DCDC1: variants seen among roughly 807,000 people sequenced by gnomAD.
DCDC1 encodes doublecortin domain-containing protein 1.
Under a neutral mutation model 178.3 loss-of-function variants are expected in DCDC1, and 200 were observed. That is an observed-to-expected ratio of 1.12 (90% CI 1.00 to 1.26). The LOEUF (loss-of-function observed/expected upper bound fraction) is 1.26. Ranked by LOEUF, DCDC1 falls within the 50% of genes most tolerant of loss-of-function variation. The probability of loss-of-function intolerance (pLI) is 0.00; values close to 1 mark genes in which losing one functional copy is unlikely to be tolerated. For missense variants in DCDC1, 1,983 were observed against 1,749.2 expected, an observed-to-expected ratio of 1.13 and a Z score of -2.38; for synonymous variants, 690 against 604.8, an observed-to-expected ratio of 1.14 and a Z score of -2.07.
chr11:31,364,190 C>T (rs1951843078), intron 1 of DCDC1, among the ~76,000 whole-genome samples: 1 of 152,138 alleles, frequency 6.6e-6, no homozygotes, highest in African/African-American at 2.4e-5. Flanking sequence ...TATTAAGGCA[C>T]TAATAATATT....
Position 30,898,803 on chromosome 11 carries a change from T to C in DCDC1, c.4765+738A>G, listed in dbSNP as rs192962316. On this transcript the variant is annotated intron_variant, in intron 34 of 38. Coordinates refer to ENST00000684477, the MANE Select transcript of DCDC1 (RefSeq NM_001387274.1). ...CTGCTATTTATTGAAGCAAGATTCA[T>C]ATGCTTTTAACACAAGACAGCATCA... 7.2e-5 allele frequency among the ~76,000 whole-genome samples: 11 copies of C among 152,318 alleles called. No individual in the cohort carries two copies. The East Asian group carries it at 2.1e-3, about 29-fold the overall frequency.
chr11:30,908,318 G>T (rs926626164), intron 29 of DCDC1, among the ~76,000 whole-genome samples: 6 of 152,088 alleles, frequency 3.9e-5, no homozygotes, highest in African/African-American at 1.4e-4. Context: ...ATGCCACAAA[G>T]AAGAAAGTAA....
chr11:30,959,299 G>T (rs1262555033), intron 20 of DCDC1, among the ~76,000 whole-genome samples: 1 of 152,100 alleles, frequency 6.6e-6, no homozygotes, highest in African/African-American at 2.4e-5. Context: ...ATTGTTAGAG[G>T]TGCAAGTGGA....
At chr11:31,065,278 T>C (rs1956183234) in intron 18 of DCDC1, 125 bp from the exon 19 acceptor site, 2 of 476,974 alleles carry the variant, frequency 4.2e-6, no homozygotes, top group Non-Finnish European at 7.4e-6. Context: ...ATAAACTTTG[T>C]ACTTTATTAT....
intron 20 of DCDC1, among the ~76,000 whole-genome samples, chr11:31,030,801 T>C (rs1953573355): frequency 2.0e-5 from 3 of 152,110 alleles, no homozygotes; most frequent in Middle Eastern, 6.8e-3. Flanking sequence ...ATTTGAGGAC[T>C]AACTTATTAC....
chr11:31,358,208 C>A (rs1413049214), intron 1 of DCDC1, among the ~76,000 whole-genome samples: 6 of 151,914 alleles, frequency 3.9e-5, no homozygotes, highest in Admixed American at 2.0e-4. Context: ...CTACAGTAAC[C>A]AAAACAGCAT....
chr11:31,008,969 A>G (rs1952010350), intron 20 of DCDC1, among the ~76,000 whole-genome samples: 2 of 152,342 alleles, frequency 1.3e-5, no homozygotes, highest in South Asian at 4.1e-4. Context: ...AGCACAGGCA[A>G]TGAAAAAGCA....
At chr11:31,198,846 T>A (rs1433783090) in intron 9 of DCDC1, among the ~76,000 whole-genome samples, 1 of 152,034 alleles carries the variant, frequency 6.6e-6, no homozygotes, top group African/African-American at 2.4e-5. Context: ...AACTTACAGT[T>A]CATGATTCTT....
At chr11:31,021,821 T>C (rs1952898777) in intron 20 of DCDC1, among the ~76,000 whole-genome samples, 1 of 152,194 alleles carries the variant, frequency 6.6e-6, no homozygotes, top group Admixed American at 6.5e-5. Context: ...GGGAGCCAAA[T>C]GGCTCCCTGT....
At chr11:31,156,367 C>T (rs904031088) in intron 9 of DCDC1, among the ~76,000 whole-genome samples, 8 of 152,048 alleles carry the variant, frequency 5.3e-5, no homozygotes, top group Admixed American at 2.0e-4. Flanking sequence ...TCAAAACACG[C>T]GGCCAGTCAG....
intron 1 of DCDC1, among the ~76,000 whole-genome samples, chr11:31,356,701 A>C (rs1447307034): frequency 6.6e-6 from 1 of 151,040 alleles, no homozygotes; most frequent in East Asian, 1.9e-4. Context: ...AAGACTAATA[A>C]AGAAAAAAAG....
At chr11:31,308,927 C>T (rs1948612216) in intron 3 of DCDC1, among the ~76,000 whole-genome samples, 1 of 151,516 alleles carries the variant, frequency 6.6e-6, no homozygotes, top group Non-Finnish European at 1.5e-5. Flanking sequence ...ATATAACCCC[C>T]CCAAACACAC....
intron 8 of DCDC1, among the ~76,000 whole-genome samples, chr11:31,255,215 A>G (rs1000517267): frequency 9.2e-5 from 14 of 152,180 alleles, no homozygotes; most frequent in African/African-American, 3.4e-4. Flanking sequence ...AACATTCATG[A>G]ACATTTGGCT....
At chr11:31,329,690 C>T (rs1198264771) in intron 2 of DCDC1, among the ~76,000 whole-genome samples, 1 of 152,098 alleles carries the variant, frequency 6.6e-6, no homozygotes, top group African/African-American at 2.4e-5. Flanking sequence ...CAGAATGATG[C>T]TTTCCAGCTT....
At chr11:31,247,834 G>GT (rs1943683962) in intron 8 of DCDC1, among the ~76,000 whole-genome samples, 1 of 151,930 alleles carries the variant, frequency 6.6e-6, no homozygotes, top group African/African-American at 2.4e-5. Flanking sequence ...AAATAATAGT[G>GT]TGTGTGTGTC....
intron 36 of DCDC1, among the ~76,000 whole-genome samples, chr11:30,887,405 T>C (rs183024222): frequency 2.8e-4 from 42 of 152,318 alleles, no homozygotes; most frequent in African/African-American, 9.1e-4. Flanking sequence ...GTAATGCTTT[T>C]TTAGTTTTAA....
chr11:31,000,315 T>C (rs1305315814), intron 20 of DCDC1, among the ~76,000 whole-genome samples: 1 of 152,180 alleles, frequency 6.6e-6, no homozygotes, highest in African/African-American at 2.4e-5. Flanking sequence ...TTATAATATT[T>C]AGTCTCCTCT....
intron 20 of DCDC1, among the ~76,000 whole-genome samples, chr11:31,043,328 T>A (rs906949730): frequency 2.0e-5 from 3 of 152,230 alleles, no homozygotes; most frequent in African/African-American, 7.2e-5. Context: ...TAGGTTCGTA[T>A]GTATCTGAAA....
intron 24 of DCDC1, among the ~76,000 whole-genome samples, chr11:30,921,510 C>T (rs546694690): frequency 1.3e-5 from 2 of 152,240 alleles, no homozygotes; most frequent in South Asian, 2.1e-4. Context: ...ATACTGCCAT[C>T]GAACGTGGAA....
Sources: gnomAD v4.1 joint callset for allele counts (sites outside exome capture counted in the v4.1 genomes callset) on GRCh38, gnomAD v4.1.1 for gene constraint, MANE v1.5 for transcripts, NCBI Gene and HGNC (gene_info 2026-07-23, HGNC 2026-07-21) for gene names.